Variants in RHAG observed in about 807,000 individuals in gnomAD.
The protein encoded by RHAG is Rh associated glycoprotein, also known as ammonium transporter Rh type A.
A neutral mutation model predicts 42.4 loss-of-function variants in RHAG; 25 were observed. The ratio of observed to expected loss-of-function variants is 0.59; its 90% confidence interval spans 0.43 to 0.82. The LOEUF (loss-of-function observed/expected upper bound fraction) is 0.82. Ranked by LOEUF, RHAG falls within the 40% of genes least tolerant of loss-of-function variation. The pLI is 0.00. For synonymous variants in RHAG, 182 were observed against 177.7 expected (o/e 1.02, Z -0.19); for missense variants, 483 against 504.6 (o/e 0.96, Z 0.41).
chr6:49,616,992 A>G (rs1384436095), intron 3 of RHAG, among the ~76,000 whole-genome samples: 1 of 152,194 alleles, frequency 6.6e-6, no homozygotes, highest in Non-Finnish European at 1.5e-5. Context: ...AGGCAAAATA[A>G]CCTTCTCTGT....
chr6:49,630,047 C>T (rs1272678794), intron 1 of RHAG, among the ~76,000 whole-genome samples: 30 of 152,206 alleles, frequency 2.0e-4, no homozygotes, highest in Non-Finnish European at 1.0e-4. Flanking sequence ...AAGTGGGAGC[C>T]TAGGCAGAGG....
At chr6:49,629,943 C>T (rs1762909585) in intron 1 of RHAG, among the ~76,000 whole-genome samples, 1 of 152,206 alleles carries the variant, frequency 6.6e-6, no homozygotes, top group Non-Finnish European at 1.5e-5. Context: ...CCACACCTCC[C>T]TGCAAGCTGA....
intron 1 of RHAG, among the ~76,000 whole-genome samples, chr6:49,633,080 C>A (rs188301838): frequency 2.0e-5 from 3 of 152,270 alleles, no homozygotes; most frequent in Admixed American, 2.0e-4. Context: ...ACCTAATTCC[C>A]TTCTCTACTG....
chr6:49,616,338 A>G (rs1762654104), intron 3 of RHAG, among the ~76,000 whole-genome samples: 1 of 142,696 alleles, frequency 7.0e-6, no homozygotes, highest in Non-Finnish European at 1.5e-5. Flanking sequence ...TGACAAAGCA[A>G]GAACTAATCT....
chr6:49,619,481 G>A, intron 1 of RHAG, 119 bp from the exon 2 acceptor site: 2 of 962,038 alleles, frequency 2.1e-6, no homozygotes, highest in South Asian at 1.4e-5. Flanking sequence ...GGAAAAGAGA[G>A]CATTTAACTG....
Position 49,605,517 on chromosome 6 carries a change from A to C in RHAG, c.*296T>G. On this transcript the variant is annotated 3_prime_UTR_variant, in exon 10 of 10. Coordinates refer to ENST00000371175, the MANE Select transcript of RHAG (RefSeq NM_000324.3). Reference sequence around the variant, plus strand: ...GTTTACTCTGTATTTACTCACTGCCAAAAGCTTTTTGGGAATCCTGGAGAA... The same window carrying C: ...GTTTACTCTGTATTTACTCACTGCCCAAAGCTTTTTGGGAATCCTGGAGAA... The C allele has an allele frequency of 2.1e-6, 1 of 472,912 alleles. No homozygotes were observed. Among genetic ancestry groups the C allele is most frequent in the African/African-American group, 2.0e-5 (1 of 50,944 alleles). 29.3% of individuals were successfully genotyped at this position (472,912 alleles called of 1,614,324 possible). A position where few individuals can be genotyped will look rare whatever the true frequency, so the allele number is the denominator to read the frequency against.
At chr6:49,633,297 T>C (rs1474189396) in intron 1 of RHAG, among the ~76,000 whole-genome samples, 1 of 152,126 alleles carries the variant, frequency 6.6e-6, no homozygotes, top group Non-Finnish European at 1.5e-5. Flanking sequence ...GCACTGGCAC[T>C]GGGCATGGAA....
intron 1 of RHAG, among the ~76,000 whole-genome samples, chr6:49,620,298 A>T (rs528698732): frequency 6.6e-6 from 1 of 152,348 alleles, no homozygotes; most frequent in East Asian, 1.9e-4. Flanking sequence ...TGCATACGGT[A>T]AAGTATTATG....
chr6:49,616,753 T>C (rs1762661689), intron 3 of RHAG, among the ~76,000 whole-genome samples: 1 of 151,792 alleles, frequency 6.6e-6, no homozygotes, highest in South Asian at 2.1e-4. Flanking sequence ...ACAGACCCAG[T>C]CCCCTTGAAG....
In RHAG at chr6:49,611,066, C is replaced by A. The variant is rs1762562025; in HGVS notation, c.1025G>T (p.Gly342Val). 6.2e-7 allele frequency: 1 copy of A among 1,613,756 alleles called. No individual in the cohort carries two copies. Among genetic ancestry groups the A allele is most frequent in the African/African-American group, 1.3e-5 (1 of 74,896 alleles). ...TGCTACTGCCACAATGCCTGCAAGG[C>A]CTCCCACTACACCAGGTAAGCCGTG... is the stretch of plus-strand genomic sequence containing the variant. ...NLHGLPGVVG[G>V]LAGIVAVAMG... is the part of the protein sequence containing the mutation. Residue 342 changes from glycine to valine, a missense_variant, in exon 7 of 10, where the codon GGC becomes GTC. By Grantham distance (109) the Gly-to-Val change is moderately radical (BLOSUM62 -3). Transcript: ENST00000371175.
intron 8 of RHAG, 104 bp downstream of exon 8, chr6:49,607,046 G>T: frequency 8.0e-7 from 1 of 1,253,454 alleles, no homozygotes. Flanking sequence ...ACTGCCAGAA[G>T]TTTAGAACAT....
chr6:49,631,273 A>G (rs1279691965), intron 1 of RHAG, among the ~76,000 whole-genome samples: 1 of 152,226 alleles, frequency 6.6e-6, no homozygotes, highest in African/African-American at 2.4e-5. Context: ...CATGTTATCC[A>G]ATAACTTTTC....
intron 1 of RHAG, among the ~76,000 whole-genome samples, chr6:49,630,544 C>G (rs934573752): frequency 1.5e-4 from 23 of 152,258 alleles, no homozygotes; most frequent in African/African-American, 5.1e-4. Context: ...CTAAACTCAT[C>G]TTTTTTGAGA....
chr6:49,609,691 A>T (rs1197311191), intron 7 of RHAG, among the ~76,000 whole-genome samples: 1 of 152,230 alleles, frequency 6.6e-6, no homozygotes, highest in Non-Finnish European at 1.5e-5. Context: ...AGGAAATATG[A>T]TTAAATGCGT....
chr6:49,630,811 C>G, intron 1 of RHAG, among the ~76,000 whole-genome samples: 1 of 152,208 alleles, frequency 6.6e-6, no homozygotes, highest in Non-Finnish European at 1.5e-5. Flanking sequence ...AATAATATGA[C>G]CTAACATAGA....
At chr6:49,629,282 G>C (rs958765487) in intron 1 of RHAG, among the ~76,000 whole-genome samples, 22 of 151,306 alleles carry the variant, frequency 1.5e-4, no homozygotes, top group African/African-American at 5.4e-4. Context: ...AGACATAAAG[G>C]TTCTCCAAAG....
intron 1 of RHAG, among the ~76,000 whole-genome samples, chr6:49,634,980 T>TGTGTG (rs1562021949): frequency 5.7e-4 from 29 of 51,176 alleles, no homozygotes; most frequent in African/African-American, 2.0e-3. Context: ...GTGTGTGTGT[T>TGTGTG]TGTGTATACC....
chr6:49,630,172 A>G (rs1190419626), intron 1 of RHAG, among the ~76,000 whole-genome samples: 1 of 152,210 alleles, frequency 6.6e-6, no homozygotes, highest in Non-Finnish European at 1.5e-5. Flanking sequence ...ACCTTTTAAG[A>G]ATCATTCTCT....
chr6:49,634,205 A>G (rs1762974066), intron 1 of RHAG, among the ~76,000 whole-genome samples: 1 of 152,126 alleles, frequency 6.6e-6, no homozygotes, highest in African/African-American at 2.4e-5. Context: ...TTACTGTACG[A>G]CAAACACTAG....
Sources: gnomAD v4.1 joint callset for allele counts (sites outside exome capture counted in the v4.1 genomes callset) on GRCh38, gnomAD v4.1.1 for gene constraint, MANE v1.5 for transcripts, NCBI Gene and HGNC (gene_info 2026-07-23, HGNC 2026-07-21) for gene names.